Variants in L3HYPDH observed in about 807,000 individuals in gnomAD.
L3HYPDH encodes trans-3-hydroxy-L-proline dehydratase.
In L3HYPDH, 32 loss-of-function variants were observed where a neutral mutation model predicts 26.5. The observed-to-expected ratio is 1.21, with a 90% CI of 0.91 to 1.62. The LOEUF (loss-of-function observed/expected upper bound fraction) is 1.62, where lower values mean the gene tolerates loss of function less well. L3HYPDH is among the 40% of genes most tolerant of loss of function. L3HYPDH has a pLI of 0.00. For missense variants in L3HYPDH, 554 were observed against 476.4 expected, an observed-to-expected ratio of 1.16 and a Z score of -1.52; for synonymous variants, 215 against 196.6, an observed-to-expected ratio of 1.09 and a Z score of -0.78.
the L3HYPDH span, among the ~76,000 whole-genome samples, chr14:59,497,719 C>G: frequency 6.6e-6 from 1 of 151,914 alleles, no homozygotes; most frequent in Non-Finnish European, 1.5e-5. Context: ...GGTGGTATAA[C>G]AAGACAAAAA....
the L3HYPDH span, among the ~76,000 whole-genome samples, chr14:59,499,247 C>T: frequency 4.0e-5 from 6 of 151,554 alleles, no homozygotes; most frequent in Non-Finnish European, 8.8e-5. Context: ...ACATTGATCT[C>T]GATCTCCTGA....
intron 2 of L3HYPDH, chr14:59,478,884 T>C: frequency 4.1e-6 from 1 of 242,048 alleles, no homozygotes; most frequent in East Asian, 9.5e-5. Context: ...ACACATAAGA[T>C]ACACTAACAC....
chr14:59,495,220 C>T, the L3HYPDH span: 2 of 1,599,076 alleles, frequency 1.3e-6, no homozygotes, highest in Non-Finnish European at 1.7e-6. Context: ...AGCCGTCTAC[C>T]CACTGTAAGT....
chr14:59,480,724 TAAAAC>T (rs35216874), intron 1 of L3HYPDH, among the ~76,000 whole-genome samples: 12,567 of 152,220 alleles, frequency 0.083, 676 homozygotes, highest in African/African-American at 0.15. Context: ...CATGATGTGT[TAAAAC>T]AGAGCAAGTT....
chr14:59,483,949 GC>G lies in L3HYPDH; in HGVS notation c.367del (p.Ala123ArgfsTer20). Reference protein sequence around the residue: ...RFALDFGLVPAPPAGTREARV... With the variant: ...RFALDFGLVPXPPAGTREARV... ...GGCCTCGCGGGTGCCCGCAGGGGGC[GC>G]CGGCACAAGCCCGAAGTCCAAAGCG... On this transcript the variant is annotated frameshift_variant, in exon 1 of 5. Transcript: ENST00000247194. LOFTEE classifies it high-confidence loss of function. 2 of 1,557,924 alleles carry G rather than the reference GC, an allele frequency of 1.3e-6. No individual in the cohort carries two copies. The highest frequency in any genetic ancestry group is 1.7e-6 in the Non-Finnish European group (2 of 1,157,438).
chr14:59,481,748 A>G (rs192451258), intron 1 of L3HYPDH, among the ~76,000 whole-genome samples: 10 of 152,364 alleles, frequency 6.6e-5, no homozygotes, highest in South Asian at 2.1e-4. Flanking sequence ...AAATTGAAAC[A>G]TATCTCCTTA....
At chr14:59,486,600 C>A, upstream of L3HYPDH, 1 of 709,810 alleles carries the variant, frequency 1.4e-6, no homozygotes, top group Non-Finnish European at 2.4e-6. Context: ...TTGTCTAATA[C>A]ATATTATTCA....
chr14:59,490,818 A>G, the L3HYPDH span, among the ~76,000 whole-genome samples: 62 of 152,322 alleles, frequency 4.1e-4, no homozygotes, highest in African/African-American at 1.4e-3. Flanking sequence ...TGTCCAGTCA[A>G]TTGGTGGGAA....
At position 59,472,818 on chromosome 14, in the gene L3HYPDH, CTTTATA is replaced by C; in HGVS notation, c.*141_*146del. 1 of 613,192 alleles carries C rather than the reference CTTTATA, an allele frequency of 1.6e-6. No individual in the cohort carries two copies. The allele number at this position is 613,192 out of a possible 1,614,324, so 38.0% of individuals were successfully genotyped here. On this transcript the variant is annotated 3_prime_UTR_variant, in exon 5 of 5. Transcript: ENST00000247194. ...CAGTTGCAAATACGAGGTATAATGA[CTTTATA>C]TTTAGCCACAGGGTAGTATTTTACA...
upstream of L3HYPDH, chr14:59,485,021 G>A (rs1271765400): frequency 1.3e-6 from 2 of 1,597,176 alleles, no homozygotes; most frequent in African/African-American, 1.3e-5. Flanking sequence ...GGGCAGGACC[G>A]CTGCAAAAAA....
intron 1 of L3HYPDH, among the ~76,000 whole-genome samples, chr14:59,467,028 A>G (rs1051894088): frequency 8.5e-5 from 13 of 152,176 alleles, no homozygotes; most frequent in African/African-American, 3.1e-4. Flanking sequence ...GGCAAACACA[A>G]TCTTCTCAGA....
At chr14:59,484,759 G>C, upstream of L3HYPDH, 1 of 987,484 alleles carries the variant, frequency 1.0e-6, no homozygotes, top group Non-Finnish European at 1.5e-6. Flanking sequence ...CTGCGGGGTT[G>C]GGGTGGTCTG....
chr14:59,468,963 C>A (rs1409487446), downstream of L3HYPDH, among the ~76,000 whole-genome samples: 1 of 152,104 alleles, frequency 6.6e-6, no homozygotes, highest in African/African-American at 2.4e-5. Flanking sequence ...TTCACATAAG[C>A]AATATAGGAA....
the L3HYPDH span, among the ~76,000 whole-genome samples, chr14:59,502,755 T>TGTTTTTTTTTCTTTTGTTTTTTTGTTTTG: frequency 4.1e-5 from 5 of 122,914 alleles, no homozygotes; most frequent in African/African-American, 6.0e-5. Flanking sequence ...ATGAGATTTT[T>TGTTTTTTTTTCTTTTGTTTTTTTGTTTTG]TTTTTTTTTT....
chr14:59,475,568 A>C (rs1889570607), intron 4 of L3HYPDH, among the ~76,000 whole-genome samples: 1 of 152,172 alleles, frequency 6.6e-6, no homozygotes, highest in African/African-American at 2.4e-5. Context: ...CACATATCAC[A>C]TCGTAGCCTC....
chr14:59,476,221 G>C lies in L3HYPDH; in HGVS notation c.679-7C>G, dbSNP rs531779869. 1.0e-4 allele frequency: 153 copies of C among 1,520,228 alleles called. 1 individual carries two copies. The South Asian group carries it at 1.7e-3, about 17-fold the overall frequency. 94.2% of individuals were successfully genotyped at this position (1,520,228 alleles called of 1,614,324 possible). ...CAGGATGATTAATTTTAAACTGCAA[G>C]TAACAAAAAAAGATCACATGCAAAA... On this transcript the variant is annotated splice_region_variant and splice_polypyrimidine_tract_variant and intron_variant, in intron 2 of 4. Transcript: ENST00000247194.
At chr14:59,482,357 C>A (rs1890081641) in intron 1 of L3HYPDH, among the ~76,000 whole-genome samples, 1 of 152,306 alleles carries the variant, frequency 6.6e-6, no homozygotes, top group East Asian at 1.9e-4. Context: ...ATTGTACTGT[C>A]ATACAGTGAT....
the L3HYPDH span, among the ~76,000 whole-genome samples, chr14:59,489,839 G>C: frequency 6.6e-6 from 1 of 152,156 alleles, no homozygotes; most frequent in Non-Finnish European, 1.5e-5. Context: ...GAGGAGGCAG[G>C]AGGCAAAGGG....
the L3HYPDH span, among the ~76,000 whole-genome samples, chr14:59,497,107 A>T: frequency 6.6e-6 from 1 of 151,850 alleles, no homozygotes; most frequent in African/African-American, 2.4e-5. Flanking sequence ...CAATGTATAT[A>T]TAGCCTAGTT....
Sources: allele counts gnomAD v4.1 joint callset (sites outside exome capture counted in the v4.1 genomes callset), GRCh38; gene constraint gnomAD v4.1.1; transcripts MANE v1.5; gene names NCBI Gene and HGNC (gene_info 2026-07-23, HGNC 2026-07-21).